PRKX: variants seen among roughly 807,000 people sequenced by gnomAD.
The protein encoded by PRKX is protein kinase cAMP-dependent X-linked catalytic subunit, also known as cAMP-dependent protein kinase catalytic subunit PRKX.
A neutral mutation model predicts 22.0 loss-of-function variants in PRKX; 12 were observed. The observed-to-expected ratio is 0.54, with a 90% CI of 0.35 to 0.88. PRKX has a LOEUF of 0.88. Among genes scored for constraint, PRKX ranks in the 40% least tolerant of loss-of-function variants. PRKX has a pLI of 0.01. For synonymous variants in PRKX, 134 were observed against 137.7 expected (o/e 0.97, Z 0.19); for missense variants, 217 against 308.0 (o/e 0.70, Z 2.21).
intron 1 of PRKX, among the ~76,000 whole-genome samples, chrX:3,683,652 C>A (rs938360560): frequency 1.8e-5 from 2 of 111,371 alleles, no homozygotes; most frequent in Non-Finnish European, 3.8e-5. Flanking sequence ...GCCTGGGCAA[C>A]ATAGCGAGAT....
intron 4 of PRKX, among the ~76,000 whole-genome samples, chrX:3,641,190 C>G (rs1239323245): frequency 8.9e-6 from 1 of 111,865 alleles, no homozygotes; most frequent in Non-Finnish European, 1.9e-5. Flanking sequence ...GGACTTTCCC[C>G]AAATTCTTTA....
chrX:3,700,131 G>T (rs1928527604), intron 1 of PRKX, among the ~76,000 whole-genome samples: 1 of 112,203 alleles, frequency 8.9e-6, no homozygotes, highest in South Asian at 3.7e-4. Context: ...CAAAAGGGAT[G>T]GAGTTTCCTA....
At chrX:3,633,938 C>T (rs1460869366) in intron 4 of PRKX, among the ~76,000 whole-genome samples, 1 of 111,753 alleles carries the variant, frequency 8.9e-6, no homozygotes, top group African/African-American at 3.3e-5. Flanking sequence ...ATCCTTGTCC[C>T]GATACCTTCA....
Position 3,605,016 on chromosome X carries a change from C to G in PRKX, c.*3953G>C, listed in dbSNP as rs1223141968. On this transcript the variant is annotated 3_prime_UTR_variant, in exon 9 of 9. Coordinates refer to ENST00000262848, the MANE Select transcript of PRKX (RefSeq NM_005044.5). Reference sequence around the variant, plus strand: ...ACAGCCCCTCACCTTCACCAAGACACACACACACACACACACACACACACA... The same window carrying G: ...ACAGCCCCTCACCTTCACCAAGACAGACACACACACACACACACACACACA... 1.3e-4 allele frequency: 1 copy of G among 7,446 alleles called. No homozygotes were observed. Among genetic ancestry groups the G allele is most frequent in the African/African-American group, 5.9e-4 (1 of 1,706 alleles). The allele number at this position is 7,446 out of a possible 1,213,427, so 0.6% of individuals were successfully genotyped here.
chrX:3,628,013 G>A (rs748062186), intron 4 of PRKX, among the ~76,000 whole-genome samples: 1 of 111,007 alleles, frequency 9.0e-6, no homozygotes, highest in South Asian at 3.8e-4. Flanking sequence ...CAACAGATGA[G>A]CAGATAGGTA....
intron 4 of PRKX, 86 bp downstream of exon 4, chrX:3,641,766 G>T (rs1349252103): frequency 5.6e-6 from 2 of 354,243 alleles, no homozygotes; most frequent in Admixed American, 1.1e-4. Flanking sequence ...TGTTTTCAAG[G>T]TTACAGAAAT....
chrX:3,689,585 C>T (rs931082135), intron 1 of PRKX, among the ~76,000 whole-genome samples: 3 of 111,748 alleles, frequency 2.7e-5, no homozygotes, highest in Non-Finnish European at 5.6e-5. Flanking sequence ...GAAGCTGAGG[C>T]AGGAGGATCA....
intron 5 of PRKX, among the ~76,000 whole-genome samples, chrX:3,623,473 T>C: frequency 9.0e-6 from 1 of 110,845 alleles, no homozygotes. Flanking sequence ...GGAGTGTCAT[T>C]TGAGCCCAGG....
rs528688936 is a variant in PRKX, at chrX:3,613,150, C to CAAAAAAAAAAAAAAAAAAAAA, written c.952-846_952-826dup. ...TGGGCAACGGAGCAAGACTTCGTCT[C>CAAAAAAAAAAAAAAAAAAAAA]AAAAAAAAAAAAAAAAAAAAAAAAA... On this transcript the variant is annotated intron_variant, in intron 7 of 8. Transcript: ENST00000262848. Among the ~76,000 whole-genome samples the CAAAAAAAAAAAAAAAAAAAAA allele has an allele frequency of 7.0e-4, 38 of 54,320 alleles. 4 individuals are homozygous for CAAAAAAAAAAAAAAAAAAAAA. Among genetic ancestry groups the CAAAAAAAAAAAAAAAAAAAAA allele is most frequent in the Non-Finnish European group, 1.1e-3 (29 of 26,549 alleles). The allele number at this position is 54,320 out of a possible 115,157, so 47.2% of individuals were successfully genotyped here. A position where few individuals can be genotyped will look rare whatever the true frequency, so the allele number is the denominator to read the frequency against.
intron 4 of PRKX, among the ~76,000 whole-genome samples, chrX:3,634,539 G>A (rs1265483367): frequency 1.2e-4 from 13 of 111,119 alleles, no homozygotes. Flanking sequence ...GTTCAGAATA[G>A]TGATGAATTT....
intron 3 of PRKX, among the ~76,000 whole-genome samples, chrX:3,648,633 T>TGTGCGC (rs1210387697): frequency 9.5e-6 from 1 of 105,500 alleles, no homozygotes; most frequent in African/African-American, 3.5e-5. Flanking sequence ...TGTGTGTGTG[T>TGTGCGC]GTGTGTGTGT....
chrX:3,609,143 T>C (rs1926241747), intron 8 of PRKX, among the ~76,000 whole-genome samples, 198 bp from the exon 9 acceptor site: 1 of 111,319 alleles, frequency 9.0e-6, no homozygotes, highest in Non-Finnish European at 1.9e-5. Flanking sequence ...ATGAAGAATG[T>C]TTTAAAGGTA....
In PRKX at chrX:3,674,756, C is replaced by A. The variant is rs56037462; in HGVS notation, c.177G>T (p.Thr59=). The change falls in exon 2 of 9, where the codon ACG becomes ACT. Residue 59 remains threonine (T), a synonymous_variant. Coordinates refer to ENST00000262848, the MANE Select transcript of PRKX (RefSeq NM_005044.5). ...CCTTCACCAGGTGCACCCGCCCGAA[C>A]GTCCCAGTGCCTGGAGAGAGAAGAA... is the stretch of plus-strand genomic sequence containing the variant. The part of the protein sequence containing the change: ...FDTLATVGTG[T]FGRVHLVKEK... 0.012 allele frequency: 14,029 copies of A among 1,208,996 alleles called. 79 individuals carry two copies. Among genetic ancestry groups the A allele is most frequent in the South Asian group, 0.039 (2,193 of 56,770 alleles).
At chrX:3,673,698 T>C (rs1379016146) in intron 2 of PRKX, among the ~76,000 whole-genome samples, 1 of 110,642 alleles carries the variant, frequency 9.0e-6, no homozygotes, top group Non-Finnish European at 1.9e-5. Context: ...AGGACATCCT[T>C]GTCTAAGGCA....
intron 1 of PRKX, among the ~76,000 whole-genome samples, chrX:3,689,901 C>A (rs904565513): frequency 9.0e-6 from 1 of 110,804 alleles, no homozygotes; most frequent in Non-Finnish European, 1.9e-5. Context: ...GGCGTGAACC[C>A]GGGAGGCAGA....
chrX:3,663,465 CACAAAA>C (rs757955990), intron 2 of PRKX, among the ~76,000 whole-genome samples: 406 of 78,767 alleles, frequency 5.2e-3, no homozygotes, highest in South Asian at 0.018. Flanking sequence ...CACACACACA[CACAAAA>C]AAATTCAATT....
At chrX:3,686,199 G>A (rs1216157496) in intron 1 of PRKX, among the ~76,000 whole-genome samples, 2 of 111,612 alleles carry the variant, frequency 1.8e-5, no homozygotes, top group Non-Finnish European at 3.8e-5. Flanking sequence ...ACCAGTAAGT[G>A]GGGGCTGAGA....
At chrX:3,668,534 G>A (rs1420841847) in intron 2 of PRKX, among the ~76,000 whole-genome samples, 1 of 112,029 alleles carries the variant, frequency 8.9e-6, no homozygotes, top group Admixed American at 9.5e-5. Context: ...AAAAAAAGAT[G>A]TTTCCAAGAG....
rs191080978 is a variant in PRKX at position 3,674,782 on chromosome X, A to C, written c.167-16T>G. ...GTCCCAGTGCCTGGAGAGAGAAGAA[A>C]TCGACAGAGGTCATTAAGTCTTCCG... is the stretch of plus-strand genomic sequence containing the variant. On this transcript the variant is annotated splice_polypyrimidine_tract_variant and intron_variant, in intron 1 of 8. Coordinates refer to ENST00000262848, the MANE Select transcript of PRKX (RefSeq NM_005044.5). 3.8e-4 allele frequency: 461 copies of C among 1,206,723 alleles called. No individual in the cohort carries two copies. The African/African-American group carries it at 6.8e-3, about 18-fold the overall frequency.
Sources: allele counts gnomAD v4.1 joint callset (sites outside exome capture counted in the v4.1 genomes callset), GRCh38; gene constraint gnomAD v4.1.1; transcripts MANE v1.5; gene names NCBI Gene and HGNC (gene_info 2026-07-23, HGNC 2026-07-21).